Variants in SOX6 observed in about 807,000 individuals in gnomAD.
SOX6 encodes the protein SRY-box transcription factor 6, also known as transcription factor SOX-6.
Under a neutral mutation model 97.8 loss-of-function variants are expected in SOX6, and 11 were observed. That is an observed-to-expected ratio of 0.11 (90% CI 0.07 to 0.19). The LOEUF is 0.19. SOX6 is among the 10% of genes least tolerant of loss of function. SOX6 has a pLI of 1.00. For synonymous variants in SOX6, 360 were observed against 371.4 expected (o/e 0.97, Z 0.35); for missense variants, 810 against 1,039.5 (o/e 0.78, Z 3.04).
intron 4 of SOX6, among the ~76,000 whole-genome samples, chr11:16,200,508 A>T (rs1054716228): frequency 6.6e-6 from 1 of 152,216 alleles, no homozygotes; most frequent in Non-Finnish European, 1.5e-5. Context: ...TTGACTTTCT[A>T]AAAACAATGC....
intron 13 of SOX6, among the ~76,000 whole-genome samples, chr11:15,995,045 G>A (rs922630479): frequency 5.3e-5 from 8 of 152,184 alleles, no homozygotes; most frequent in Non-Finnish European, 1.2e-4. Context: ...AGTTTAATTG[G>A]CTTAATGTGT....
intron 12 of SOX6, among the ~76,000 whole-genome samples, chr11:16,032,188 C>T (rs984848594): frequency 2.6e-5 from 4 of 152,048 alleles, no homozygotes; most frequent in African/African-American, 7.2e-5. Flanking sequence ...ATGGGCTCTT[C>T]CTTCAAGTTA....
intron 12 of SOX6, among the ~76,000 whole-genome samples, chr11:16,027,910 T>A (rs1306438844): frequency 6.6e-6 from 1 of 152,226 alleles, no homozygotes; most frequent in Non-Finnish European, 1.5e-5. Flanking sequence ...ATCTGCTATA[T>A]CCGTTTCAAA....
In SOX6 at chr11:16,049,782, C is replaced by T. The variant is rs1304667274; in HGVS notation, c.1408G>A (p.Gly470Arg). Reference sequence around the variant, plus strand: ...AAAGAGGATCCTCTTCCCAGGCTTCCTCCAATGGGGCTAGGGATGCTGCTT... The same window carrying T: ...AAAGAGGATCCTCTTCCCAGGCTTCTTCCAATGGGGCTAGGGATGCTGCTT... Reference protein sequence around the residue: ...NKSSIPSPIGGSLGRGSSLDI... With the variant: ...NKSSIPSPIGRSLGRGSSLDI... Residue 470 changes from glycine (G) to arginine (R), a missense_variant, in exon 11 of 16, where the codon GGA becomes AGA. Physicochemically the swap from Gly to Arg is moderately radical, Grantham distance 125. Coordinates refer to ENST00000683767, the MANE Select transcript of SOX6 (RefSeq NM_001367873.1). 1 of 1,613,396 alleles carries T rather than the reference C, an allele frequency of 6.2e-7. No individual in the cohort carries two copies. Among genetic ancestry groups the T allele is most frequent in the African/African-American group, 1.3e-5 (1 of 74,784 alleles).
At chr11:16,224,039 C>A (rs1411259904) in intron 4 of SOX6, among the ~76,000 whole-genome samples, 2 of 151,960 alleles carry the variant, frequency 1.3e-5, no homozygotes, top group African/African-American at 2.4e-5. Flanking sequence ...CCTTTCCCTA[C>A]TCTAGGCTGT....
chr11:16,446,884 C>T (rs892720113), intron 1 of SOX6, among the ~76,000 whole-genome samples: 3 of 150,964 alleles, frequency 2.0e-5, no homozygotes, highest in Non-Finnish European at 3.0e-5. Flanking sequence ...TCCTTCCTTC[C>T]TTTCTTTGTT....
chr11:16,524,681 G>A (rs1861126638), intron 4 of SOX6, among the ~76,000 whole-genome samples: 1 of 152,054 alleles, frequency 6.6e-6, no homozygotes, highest in South Asian at 2.1e-4. Context: ...AGGAAAAGAG[G>A]AAGTCAAATT....
chr11:16,049,951 A>G lies in SOX6; in HGVS notation c.1252-13T>C. On this transcript the variant is annotated splice_polypyrimidine_tract_variant and intron_variant, in intron 10 of 15. Coordinates refer to ENST00000683767, the MANE Select transcript of SOX6 (RefSeq NM_001367873.1). ...CTGCTGCTTCATCCTACAAGAGTTT[A>G]ACGTAAATAATTATTTTTACAAAAG... 6.2e-7 allele frequency: 1 copy of G among 1,613,304 alleles called. No individual in the cohort carries two copies. Among genetic ancestry groups the G allele is most frequent in the South Asian group, 1.1e-5 (1 of 91,066 alleles).
intron 7 of SOX6, among the ~76,000 whole-genome samples, chr11:16,106,335 T>TA: frequency 7.1e-6 from 1 of 141,412 alleles, no homozygotes; most frequent in African/African-American, 2.6e-5. Context: ...GGTACTGGCA[T>TA]AAGGAGACAT....
chr11:16,175,514 T>C (rs1264200809), intron 6 of SOX6, among the ~76,000 whole-genome samples: 1 of 151,934 alleles, frequency 6.6e-6, no homozygotes, highest in Non-Finnish European at 1.5e-5. Context: ...GCACTGGTTC[T>C]ATAAAATTTT....
At chr11:16,522,651 G>T (rs1861087281) in intron 4 of SOX6, among the ~76,000 whole-genome samples, 1 of 151,856 alleles carries the variant, frequency 6.6e-6, no homozygotes, top group Non-Finnish European at 1.5e-5. Context: ...AAATGTAAAT[G>T]GACTAAATGC....
At chr11:16,501,842 A>G (rs568040707) in intron 4 of SOX6, among the ~76,000 whole-genome samples, 11 of 152,192 alleles carry the variant, frequency 7.2e-5, no homozygotes, top group South Asian at 2.1e-4. Context: ...GCAGAAATAG[A>G]AACACTTTTA....
chr11:16,176,819 T>C (rs1050515305), intron 6 of SOX6, among the ~76,000 whole-genome samples: 4 of 151,922 alleles, frequency 2.6e-5, no homozygotes, highest in Non-Finnish European at 5.9e-5. Context: ...GGAGAAAGGA[T>C]CTGAAATACT....
intron 9 of SOX6, among the ~76,000 whole-genome samples, chr11:16,073,547 T>G (rs1375554079): frequency 6.6e-6 from 1 of 152,136 alleles, no homozygotes; most frequent in African/African-American, 2.4e-5. Flanking sequence ...GCCAGAAATC[T>G]AACAAATGTA....
At chr11:16,045,581 T>C (rs1220439211) in intron 12 of SOX6, among the ~76,000 whole-genome samples, 1 of 152,116 alleles carries the variant, frequency 6.6e-6, no homozygotes, top group African/African-American at 2.4e-5. Context: ...AATAATAAGC[T>C]CTGCCCAGCC....
chr11:16,118,563 G>T (rs1041972913), intron 6 of SOX6, among the ~76,000 whole-genome samples: 1 of 152,170 alleles, frequency 6.6e-6, no homozygotes, highest in Admixed American at 6.5e-5. Context: ...GGGCTAACTG[G>T]CCTGATATCT....
intron 6 of SOX6, among the ~76,000 whole-genome samples, chr11:16,120,927 C>A (rs1849474572): frequency 6.6e-6 from 1 of 152,076 alleles, no homozygotes; most frequent in Non-Finnish European, 1.5e-5. Context: ...AACACAATGA[C>A]TCTATCAGGT....
At chr11:16,177,908 T>C (rs1851242900) in intron 6 of SOX6, among the ~76,000 whole-genome samples, 1 of 151,968 alleles carries the variant, frequency 6.6e-6, no homozygotes, top group Admixed American at 6.6e-5. Context: ...CTGGTTTCCC[T>C]GAATTTTTAG....
At chr11:16,126,471 T>G (rs963721448) in intron 6 of SOX6, among the ~76,000 whole-genome samples, 5 of 152,230 alleles carry the variant, frequency 3.3e-5, no homozygotes, top group African/African-American at 1.2e-4. Context: ...CTGTGACTAC[T>G]TCCCTGCTCT....
Sources: allele counts gnomAD v4.1 joint callset (sites outside exome capture counted in the v4.1 genomes callset), GRCh38; gene constraint gnomAD v4.1.1; transcripts MANE v1.5; gene names NCBI Gene and HGNC (gene_info 2026-07-23, HGNC 2026-07-21).